Variants in SLC8B1 observed in about 807,000 individuals in gnomAD.
SLC8B1 encodes the protein solute carrier family 8 member B1, also known as mitochondrial sodium/calcium exchanger protein.
SLC8B1 carries 52 observed loss-of-function variants against 63.4 expected under a neutral mutation model. That is an observed-to-expected ratio of 0.82 (90% CI 0.66 to 1.03). The LOEUF is 1.03. Ranked by LOEUF, SLC8B1 falls within the 50% of genes least tolerant of loss-of-function variation. The probability of loss-of-function intolerance (pLI) is 0.00; values close to 1 mark genes in which losing one functional copy is unlikely to be tolerated. For synonymous variants in SLC8B1, 336 were observed against 323.9 expected (o/e 1.04, Z -0.40); for missense variants, 657 against 741.7 (o/e 0.89, Z 1.33).
chr12:113,301,583 C>T (rs1276449630), intron 15 of SLC8B1, among the ~76,000 whole-genome samples: 1 of 152,138 alleles, frequency 6.6e-6, no homozygotes, highest in Non-Finnish European at 1.5e-5. Flanking sequence ...AAGTGATCTG[C>T]CCACCATGGC....
intron 2 of SLC8B1, among the ~76,000 whole-genome samples, chr12:113,332,454 G>A (rs1316560644): frequency 6.6e-6 from 1 of 152,096 alleles, no homozygotes; most frequent in South Asian, 2.1e-4. Flanking sequence ...TAGTAGATAC[G>A]GGGTTTTGAC....
intron 15 of SLC8B1, among the ~76,000 whole-genome samples, chr12:113,301,136 A>G (rs993999632): frequency 2.0e-5 from 3 of 152,036 alleles, no homozygotes; most frequent in Non-Finnish European, 4.4e-5. Context: ...ACTCCATCTC[A>G]AAAAACAAAA....
Position 113,320,973 on chromosome 12 carries a change from C to G in SLC8B1, c.363-66G>C. On this transcript the variant is annotated intron_variant, in intron 4 of 15. Transcript: ENST00000680972. The surrounding 1 kb of genome is among the most constrained non-coding windows in gnomAD (Gnocchi z 5.3). ...CGGCCCCGGACCCCTATCCTTCCCC[C>G]AAACTGAGGGTGACCGAATGTCAGC... 6.3e-7 allele frequency: 1 copy of G among 1,590,576 alleles called. No individual in the cohort carries two copies. Among genetic ancestry groups the G allele is most frequent in the Middle Eastern group, 1.7e-4 (1 of 5,994 alleles).
At chr12:113,301,319 A>T (rs1438794322) in intron 15 of SLC8B1, among the ~76,000 whole-genome samples, 1 of 151,224 alleles carries the variant, frequency 6.6e-6, no homozygotes, top group Non-Finnish European at 1.5e-5. Context: ...AAAATGGAAA[A>T]AATCTTTATA....
At position 113,305,413 on chromosome 12, in the gene SLC8B1, C is replaced by T. The variant is rs1956657006; in HGVS notation, c.1493-1028G>A. Among the ~76,000 whole-genome samples the T allele has an allele frequency of 6.6e-6, 1 of 152,264 alleles. No individual in the cohort carries two copies. Among genetic ancestry groups the T allele is most frequent in the Admixed American group, 6.5e-5 (1 of 15,288 alleles). ...CTGTCATCGTGGAGCCTGGAGAGAG[C>T]GGCCCTTCAGGCACTTTGTGATCAT... On this transcript the variant is annotated intron_variant, in intron 14 of 15. Coordinates refer to ENST00000680972, the MANE Select transcript of SLC8B1 (RefSeq NM_001358345.2). This position sits in a 1 kb window ranked among gnomAD's most constrained non-coding sequence, Gnocchi z 4.3.
intron 2 of SLC8B1, among the ~76,000 whole-genome samples, chr12:113,326,041 A>C (rs1289360895): frequency 6.6e-6 from 1 of 152,224 alleles, no homozygotes; most frequent in Non-Finnish European, 1.5e-5. Context: ...AAGGGTCAGC[A>C]AACTTCGGCC....
chr12:113,318,985 A>G lies in SLC8B1; in HGVS notation c.781T>C (p.Cys261Arg). Residue 261 changes from cysteine (C) to arginine (R), a missense_variant, in exon 8 of 16, where the codon TGC (cysteine) becomes CGC (arginine). Coordinates refer to ENST00000680972, the MANE Select transcript of SLC8B1 (RefSeq NM_001358345.2). The stretch of plus-strand genomic sequence containing the variant: ...TTACCTGGAGTAACTGGCATGGGGC[A>G]GAACAGAGATCCTCTCCGTTGCCGT... ...YQRQRRGSLFCPMPVTPEILS... is the reference protein window; with the variant it reads ...YQRQRRGSLFRPMPVTPEILS... The G allele has an allele frequency of 1.2e-6, 2 of 1,614,020 alleles. No homozygotes were observed. Among genetic ancestry groups the G allele is most frequent in the Non-Finnish European group, 1.7e-6 (2 of 1,179,896 alleles).
chr12:113,333,106 T>C, intron 1 of SLC8B1, 146 bp from the exon 2 acceptor site: 1 of 572,942 alleles, frequency 1.7e-6, no homozygotes. Context: ...TTCTGCACAG[T>C]CTCGCTGGAG....
At chr12:113,321,751 T>A (rs1194913543) in intron 2 of SLC8B1, among the ~76,000 whole-genome samples, 1 of 150,694 alleles carries the variant, frequency 6.6e-6, no homozygotes, top group Non-Finnish European at 1.5e-5. Flanking sequence ...CCATCCCAAA[T>A]CTCTTGTTTC....
intron 15 of SLC8B1, chr12:113,302,647 C>T (rs1421068384): frequency 2.2e-6 from 1 of 456,124 alleles, no homozygotes; most frequent in Admixed American, 2.3e-5. Context: ...ACCGTGTGGG[C>T]TGTTTCTAGG....
Position 113,303,061 on chromosome 12 carries a change from C to CACACGT in SLC8B1, c.1557+1259_1557+1260insACGTGT, listed in dbSNP as rs1250657563. Among the ~76,000 whole-genome samples the CACACGT allele has an allele frequency of 1.7e-4, 24 of 143,084 alleles. No individual in the cohort carries two copies. The South Asian group carries it at 2.0e-3, about 12-fold the overall frequency. 93.9% of individuals were successfully genotyped at this position (143,084 alleles called of 152,430 possible). On this transcript the variant is annotated intron_variant, in intron 15 of 15. Transcript: ENST00000680972. ...TCAGCACAAAGGTGGTAGACACACACACACACACGTACACACACACACACA... is the reference window on the plus strand; with the variant it reads ...TCAGCACAAAGGTGGTAGACACACACACACGTACACACACGTACACACACACACACA...
rs1410783828 is a variant in SLC8B1 at position 113,332,757 on chromosome 12, G to A, written c.122C>T (p.Pro41Leu). The change falls in exon 2 of 16, where the codon CCA (proline) becomes CTA (leucine). Residue 41 changes from proline to leucine, a missense_variant. Physicochemically the swap from Pro to Leu is moderately conservative, Grantham distance 98. Transcript: ENST00000680972. ...STGAHISPQF[P>L]ASGVNQTPVV... is the part of the protein sequence containing the mutation. ...GGGGGTCTGGTTCACACCTGAAGCT[G>A]GAAACTGGGGGCTAATGTGAGCTCC... 30 of 1,614,012 alleles carry A rather than the reference G, an allele frequency of 1.9e-5. No individual in the cohort carries two copies. Among genetic ancestry groups the A allele is most frequent in the Non-Finnish European group, 2.5e-5 (29 of 1,180,016 alleles).
chr12:113,306,066 C>CAA (rs60824560), intron 14 of SLC8B1, among the ~76,000 whole-genome samples: 415 of 18,050 alleles, frequency 0.023, 43 homozygotes, highest in East Asian at 0.14. Flanking sequence ...CCCCACCCTG[C>CAA]AAAAAAAAAA....
intron 11 of SLC8B1, among the ~76,000 whole-genome samples, chr12:113,311,270 C>T (rs998896634): frequency 1.6e-4 from 25 of 152,072 alleles, no homozygotes; most frequent in Non-Finnish European, 2.9e-4. Context: ...GGCCAAGGGG[C>T]GAAACCCCGT....
At chr12:113,301,333 CTTTT>C (rs61095726) in intron 15 of SLC8B1, among the ~76,000 whole-genome samples, 25 of 107,614 alleles carry the variant, frequency 2.3e-4, no homozygotes, top group Non-Finnish European at 3.5e-4. Context: ...CTTTATAAGG[CTTTT>C]TTTTTTTTTT....
At chr12:113,302,661 C>T (rs535778040) in intron 15 of SLC8B1, 16 of 456,108 alleles carry the variant, frequency 3.5e-5, no homozygotes, top group African/African-American at 1.6e-4. Flanking sequence ...TTCTAGGCAC[C>T]GTGGCGTTTC....
At chr12:113,330,168 G>A (rs1415064171) in intron 2 of SLC8B1, among the ~76,000 whole-genome samples, 2 of 152,174 alleles carry the variant, frequency 1.3e-5, no homozygotes, top group Non-Finnish European at 1.5e-5. Context: ...CTCCAGGGGG[G>A]CAGGGACCAG....
chr12:113,332,681 A>G (rs749989954), intron 2 of SLC8B1, 42 bp downstream of exon 2: 4 of 1,590,498 alleles, frequency 2.5e-6, no homozygotes, highest in Non-Finnish European at 1.7e-6. Flanking sequence ...GATTGGAGGA[A>G]CACAGCCCCA....
rs1263125265 is a variant in SLC8B1, at chr12:113,305,931, C to T, written c.1492+564G>A. Reference sequence around the variant, plus strand: ...AAAATTAGCTGGGCGTGGTCGTGGGCGCCTGTAGTCCCAGCTACTCAGAAG... The same window carrying T: ...AAAATTAGCTGGGCGTGGTCGTGGGTGCCTGTAGTCCCAGCTACTCAGAAG... On this transcript the variant is annotated intron_variant, in intron 14 of 15. Coordinates refer to ENST00000680972, the MANE Select transcript of SLC8B1 (RefSeq NM_001358345.2). The surrounding 1 kb of genome is among the most constrained non-coding windows in gnomAD (Gnocchi z 4.3). 8.6e-5 allele frequency among the ~76,000 whole-genome samples: 13 copies of T among 151,698 alleles called. No individual in the cohort carries two copies. Among genetic ancestry groups the T allele is most frequent in the African/African-American group, 3.1e-4 (13 of 41,270 alleles).
Sources: allele counts gnomAD v4.1 joint callset (sites outside exome capture counted in the v4.1 genomes callset), GRCh38; gene constraint gnomAD v4.1.1; non-coding constraint Gnocchi (gnomAD v3.1); transcripts MANE v1.5; gene names NCBI Gene and HGNC (gene_info 2026-07-23, HGNC 2026-07-21).